Variants in STK32B observed in about 807,000 individuals in gnomAD.
STK32B encodes serine/threonine-protein kinase 32B.
In STK32B, 43 loss-of-function variants were observed where a neutral mutation model predicts 52.6. The observed-to-expected ratio is 0.82, with a 90% CI of 0.64 to 1.05. STK32B has a LOEUF of 1.05. STK32B is among the 50% of genes least tolerant of loss of function. The pLI, the probability that STK32B is intolerant of heterozygous loss-of-function variation, is 0.00. For missense variants in STK32B, 621 were observed against 534.6 expected (o/e 1.16, Z -1.59); for synonymous variants, 238 against 204.3 (o/e 1.17, Z -1.41).
chr4:5,186,187 C>T (rs1394269376), intron 3 of STK32B, among the ~76,000 whole-genome samples: 2 of 152,174 alleles, frequency 1.3e-5, no homozygotes, highest in Non-Finnish European at 2.9e-5. Flanking sequence ...GGCCTCACCT[C>T]CTCCATCAGC....
intron 6 of STK32B, among the ~76,000 whole-genome samples, chr4:5,446,017 C>T (rs898839365): frequency 6.6e-6 from 1 of 152,206 alleles, no homozygotes; most frequent in African/African-American, 2.4e-5. Flanking sequence ...TCCTCTTCCT[C>T]ACTCTGGGTT....
intron 3 of STK32B, among the ~76,000 whole-genome samples, chr4:5,171,665 G>T (rs1332840349): frequency 2.0e-5 from 3 of 146,592 alleles, no homozygotes; most frequent in Non-Finnish European, 4.6e-5. Context: ...CCATTGGTCT[G>T]TATCTCTGTT....
the STK32B span, among the ~76,000 whole-genome samples, chr4:5,035,241 C>T: frequency 1.2e-3 from 190 of 152,338 alleles, no homozygotes; most frequent in Admixed American, 3.9e-3. Context: ...TCATAGTCTG[C>T]ATGTACATTC....
At chr4:5,274,425 C>T (rs1727672139) in intron 3 of STK32B, among the ~76,000 whole-genome samples, 1 of 152,084 alleles carries the variant, frequency 6.6e-6, no homozygotes, top group Admixed American at 6.6e-5. Context: ...GATAAACAAA[C>T]TGAGAGACAG....
At chr4:5,439,096 A>G (rs1249859878) in intron 6 of STK32B, among the ~76,000 whole-genome samples, 21 of 147,946 alleles carry the variant, frequency 1.4e-4, no homozygotes, top group Non-Finnish European at 2.1e-4. Context: ...AGCATGATTT[A>G]TAGTCCTTTG....
chr4:5,234,870 C>G (rs186248096), intron 3 of STK32B, among the ~76,000 whole-genome samples: 8 of 152,298 alleles, frequency 5.3e-5, no homozygotes, highest in East Asian at 1.9e-4. Flanking sequence ...TTATGCCCAA[C>G]GAATTTGAAA....
chr4:5,490,192 T>C lies in STK32B; in HGVS notation c.1107-8753T>C, dbSNP rs576271189. The stretch of plus-strand genomic sequence containing the variant: ...CATGATCTTGGCTCACTGAAACCTC[T>C]ACCTCCCGGGTTCAAGCAATTCTCC... On this transcript the variant is annotated intron_variant, in intron 11 of 11. Coordinates refer to ENST00000282908, the MANE Select transcript of STK32B (RefSeq NM_018401.3). Among the ~76,000 whole-genome samples the C allele has an allele frequency of 2.6e-5, 4 of 151,840 alleles. No individual in the cohort carries two copies. In the South Asian group the frequency reaches 8.3e-4, roughly 32 times the overall value.
intron 3 of STK32B, among the ~76,000 whole-genome samples, chr4:5,215,685 ATGT>A (rs931576752): frequency 2.0e-4 from 31 of 152,106 alleles, no homozygotes; most frequent in African/African-American, 6.5e-4. Flanking sequence ...GCAACATTAG[ATGT>A]TGTTTAAACC....
intron 6 of STK32B, among the ~76,000 whole-genome samples, chr4:5,442,333 G>T: frequency 6.6e-6 from 1 of 152,072 alleles, no homozygotes; most frequent in Middle Eastern, 3.2e-3. Flanking sequence ...TCTTCTTGTT[G>T]AATTGATCCC....
chr4:5,200,538 C>T (rs894228156), intron 3 of STK32B, among the ~76,000 whole-genome samples: 37 of 152,130 alleles, frequency 2.4e-4, no homozygotes, highest in African/African-American at 7.5e-4. Context: ...CCACAGGGAT[C>T]GTGCGGCAGA....
At chr4:5,334,045 A>T (rs924223652) in intron 4 of STK32B, among the ~76,000 whole-genome samples, 10 of 152,116 alleles carry the variant, frequency 6.6e-5, no homozygotes, top group East Asian at 1.9e-4. Flanking sequence ...GGGATGGCAT[A>T]GAATCTATAA....
At chr4:5,067,295 G>T (rs567554930) in intron 1 of STK32B, among the ~76,000 whole-genome samples, 1 of 152,260 alleles carries the variant, frequency 6.6e-6, no homozygotes, top group Admixed American at 6.5e-5. Flanking sequence ...CCCAACACAT[G>T]GGAATTATGG....
the STK32B span, among the ~76,000 whole-genome samples, chr4:5,042,674 C>T: frequency 6.6e-6 from 1 of 152,184 alleles, no homozygotes; most frequent in South Asian, 2.1e-4. Flanking sequence ...TCATCCTTTG[C>T]ATACCTGGAG....
At chr4:5,099,457 C>CACGT (rs1553823555) in intron 1 of STK32B, among the ~76,000 whole-genome samples, 7 of 146,270 alleles carry the variant, frequency 4.8e-5, no homozygotes, top group Non-Finnish European at 1.0e-4. Context: ...TGTGCGCGCG[C>CACGT]GCGTATGTGA....
Position 5,188,217 on chromosome 4 carries a change from G to A in STK32B, c.260+19767G>A, listed in dbSNP as rs138090870. The stretch of plus-strand genomic sequence containing the variant: ...CATGAAATTGCTAGTGGGAGGTGGC[G>A]GCTGTGCAGATGGAGGCCACGATGC... On this transcript the variant is annotated intron_variant, in intron 3 of 11. Transcript: ENST00000282908. Among the ~76,000 whole-genome samples, 988 of 152,272 alleles carry A rather than the reference G, an allele frequency of 6.5e-3. 9 individuals carry two copies. The highest frequency in any genetic ancestry group is 0.022 in the African/African-American group (913 of 41,546).
chr4:5,303,694 C>T (rs1729731370), intron 3 of STK32B, among the ~76,000 whole-genome samples: 1 of 151,850 alleles, frequency 6.6e-6, no homozygotes, highest in South Asian at 2.1e-4. Flanking sequence ...TAATTAATTC[C>T]CATCTATTTA....
rs142862706 is a variant in STK32B at position 5,394,823 on chromosome 4, C to G, written c.435-3384C>G. Among the ~76,000 whole-genome samples the G allele has an allele frequency of 9.2e-5, 14 of 152,340 alleles. No individual in the cohort carries two copies. The highest frequency in any genetic ancestry group is 3.4e-4 in the African/African-American group (14 of 41,576). Reference sequence around the variant, plus strand: ...GAGTAAGTGGCCCAAGATCATATAGCTAGAGAATTAGTTTTCTATTGTTGT... The same window carrying G: ...GAGTAAGTGGCCCAAGATCATATAGGTAGAGAATTAGTTTTCTATTGTTGT... On this transcript the variant is annotated intron_variant, in intron 4 of 11. Coordinates refer to ENST00000282908, the MANE Select transcript of STK32B (RefSeq NM_018401.3). This position sits in a 1 kb window ranked among gnomAD's most constrained non-coding sequence, Gnocchi z 4.2.
chr4:5,028,776 C>T, the STK32B span, among the ~76,000 whole-genome samples: 17,145 of 152,184 alleles, frequency 0.11, 1,137 homozygotes, highest in Middle Eastern at 0.21. Flanking sequence ...TCTACAATGA[C>T]CCCTGTATTA....
intron 2 of STK32B, among the ~76,000 whole-genome samples, chr4:5,164,069 T>A (rs1718669947): frequency 1.3e-5 from 2 of 152,202 alleles, no homozygotes; most frequent in South Asian, 4.1e-4. Context: ...TTTGGCCAGG[T>A]TATTTAGCCC....
Sources: allele counts gnomAD v4.1 joint callset (sites outside exome capture counted in the v4.1 genomes callset), GRCh38; gene constraint gnomAD v4.1.1; non-coding constraint Gnocchi (gnomAD v3.1); transcripts MANE v1.5; gene names NCBI Gene and HGNC (gene_info 2026-07-23, HGNC 2026-07-21).